PRR16: variants seen among roughly 807,000 people sequenced by gnomAD.
The protein encoded by PRR16 is proline rich 16, also known as protein Largen.
PRR16 carries 6 observed loss-of-function variants against 18.2 expected under a neutral mutation model. That is an observed-to-expected ratio of 0.33 (90% CI 0.18 to 0.65). The LOEUF (loss-of-function observed/expected upper bound fraction) is 0.65. PRR16 is among the 30% of genes least tolerant of loss of function. The pLI, the probability that PRR16 is intolerant of heterozygous loss-of-function variation, is 0.74. For synonymous variants in PRR16, 151 were observed against 147.8 expected (o/e 1.02, Z -0.16); for missense variants, 412 against 376.6 (o/e 1.09, Z -0.78).
the PRR16 span, among the ~76,000 whole-genome samples, chr5:120,762,313 A>G: frequency 2.6e-5 from 4 of 152,118 alleles, no homozygotes; most frequent in African/African-American, 9.7e-5. Context: ...TAATAATTGT[A>G]TTAATTTACA....
At chr5:120,682,638 G>C (rs941230568) in intron 1 of PRR16, among the ~76,000 whole-genome samples, 29 of 152,132 alleles carry the variant, frequency 1.9e-4, no homozygotes, top group South Asian at 4.1e-4. Context: ...AGGTGAAATA[G>C]GACAAGGACC....
At chr5:120,646,882 A>T (rs931431748) in intron 1 of PRR16, among the ~76,000 whole-genome samples, 1 of 152,056 alleles carries the variant, frequency 6.6e-6, no homozygotes, top group Non-Finnish European at 1.5e-5. Context: ...AGAATAATAG[A>T]TATCAGAAAC....
At chr5:120,644,913 T>G (rs1322323821) in intron 1 of PRR16, among the ~76,000 whole-genome samples, 1 of 152,124 alleles carries the variant, frequency 6.6e-6, no homozygotes, top group Non-Finnish European at 1.5e-5. Flanking sequence ...TACCTGGTCA[T>G]TTACAATAGA....
chr5:120,646,434 G>T (rs919213571), intron 1 of PRR16, among the ~76,000 whole-genome samples: 2 of 151,852 alleles, frequency 1.3e-5, no homozygotes, highest in African/African-American at 2.4e-5. Flanking sequence ...AGTATTCTAG[G>T]TACAGGGACC....
chr5:120,680,537 A>G (rs1756937880), intron 1 of PRR16, among the ~76,000 whole-genome samples: 1 of 152,144 alleles, frequency 6.6e-6, no homozygotes, highest in East Asian at 1.9e-4. Context: ...GTGAACATCT[A>G]CTGGACTTTC....
intron 1 of PRR16, among the ~76,000 whole-genome samples, chr5:120,648,683 A>G (rs995385643): frequency 6.6e-6 from 1 of 152,168 alleles, no homozygotes; most frequent in African/African-American, 2.4e-5. Flanking sequence ...ATTTTCTTTC[A>G]GAGAGAGAAT....
chr5:120,535,104 T>TA (rs58064889), intron 1 of PRR16, among the ~76,000 whole-genome samples: 1 of 151,620 alleles, frequency 6.6e-6, no homozygotes, highest in African/African-American at 2.4e-5. Context: ...TGTGTGTGTG[T>TA]AAAAGCCTAT....
the PRR16 span, among the ~76,000 whole-genome samples, chr5:120,702,955 T>G: frequency 6.6e-6 from 1 of 152,134 alleles, no homozygotes; most frequent in Admixed American, 6.5e-5. Context: ...GTCACGGCAC[T>G]AAATTTCATG....
At chr5:120,725,269 C>G in the PRR16 span, among the ~76,000 whole-genome samples, 1 of 150,064 alleles carries the variant, frequency 6.7e-6, no homozygotes, top group East Asian at 2.0e-4. Flanking sequence ...ATATTCAGGA[C>G]TCTGAACTCC....
the PRR16 span, among the ~76,000 whole-genome samples, chr5:120,771,712 G>A: frequency 2.6e-5 from 4 of 152,166 alleles, no homozygotes; most frequent in African/African-American, 9.6e-5. Flanking sequence ...CCAGTCTGAA[G>A]GGGATTAACA....
the PRR16 span, among the ~76,000 whole-genome samples, chr5:120,753,889 A>G: frequency 3.4e-3 from 429 of 126,952 alleles, 2 homozygotes; most frequent in Non-Finnish European, 5.2e-3. Context: ...TATATATTAT[A>G]TATAATATAT....
chr5:120,785,575 G>GTTTTTTTTTTTTTTTTTT, the PRR16 span, among the ~76,000 whole-genome samples: 4 of 115,414 alleles, frequency 3.5e-5, no homozygotes, highest in Non-Finnish European at 5.2e-5. Flanking sequence ...TGTTGTTGTT[G>GTTTTTTTTTTTTTTTTTT]TTTTTTTTTT....
At chr5:120,547,743 A>G (rs1439400459) in intron 1 of PRR16, among the ~76,000 whole-genome samples, 1 of 152,092 alleles carries the variant, frequency 6.6e-6, no homozygotes, top group East Asian at 1.9e-4. Context: ...AAGTCCTTTC[A>G]TACTGTGAGA....
chr5:120,573,278 T>C (rs1421618472), intron 1 of PRR16, among the ~76,000 whole-genome samples: 1 of 152,220 alleles, frequency 6.6e-6, no homozygotes, highest in East Asian at 1.9e-4. Flanking sequence ...GAAAGTGTCA[T>C]GACTTTGAAT....
the PRR16 span, among the ~76,000 whole-genome samples, chr5:120,768,553 TAATACTC>T: frequency 2.0e-5 from 3 of 151,698 alleles, no homozygotes; most frequent in East Asian, 3.9e-4. Context: ...AATCCTGAAT[TAATACTC>T]AATAAGTATG....
At chr5:120,783,187 A>T in the PRR16 span, among the ~76,000 whole-genome samples, 33 of 152,338 alleles carry the variant, frequency 2.2e-4, 1 homozygote, top group African/African-American at 7.9e-4. Flanking sequence ...TAGAATTAGT[A>T]ATATCATTTT....
intron 1 of PRR16, among the ~76,000 whole-genome samples, chr5:120,644,399 T>C (rs921836656): frequency 6.9e-6 from 1 of 144,160 alleles, no homozygotes; most frequent in African/African-American, 2.6e-5. Context: ...ATGTCAAACA[T>C]TGATATTATA....
the PRR16 span, among the ~76,000 whole-genome samples, chr5:120,743,397 G>C: frequency 6.6e-6 from 1 of 151,964 alleles, no homozygotes; most frequent in South Asian, 2.1e-4. Flanking sequence ...AAAAATGTTT[G>C]AAGGTGTGGG....
chr5:120,610,704 A>G lies in PRR16; in HGVS notation c.160-75250A>G, dbSNP rs184759789. On this transcript the variant is annotated intron_variant, in intron 1 of 1. Coordinates refer to ENST00000407149, the MANE Select transcript of PRR16 (RefSeq NM_001300783.2). ...CCATGATTCTGAGGCCTCCCCAGATATGTGGAACTATAAGTCCAATTATAC... is the reference window on the plus strand; with the variant it reads ...CCATGATTCTGAGGCCTCCCCAGATGTGTGGAACTATAAGTCCAATTATAC... 2.6e-5 allele frequency among the ~76,000 whole-genome samples: 4 copies of G among 152,298 alleles called. No individual in the cohort carries two copies. The East Asian group carries it at 5.8e-4, about 22-fold the overall frequency.
Sources: gnomAD v4.1 joint callset for allele counts (sites outside exome capture counted in the v4.1 genomes callset) on GRCh38, gnomAD v4.1.1 for gene constraint, MANE v1.5 for transcripts, NCBI Gene and HGNC (gene_info 2026-07-23, HGNC 2026-07-21) for gene names.